Variants in HS3ST4 observed in about 807,000 individuals in gnomAD.
The protein encoded by HS3ST4 is heparan sulfate-glucosamine 3-sulfotransferase 4, also known as heparan sulfate glucosamine 3-O-sulfotransferase 4.
A neutral mutation model predicts 29.2 loss-of-function variants in HS3ST4; 17 were observed. The ratio of observed to expected loss-of-function variants is 0.58; its 90% CI spans 0.40 to 0.87. The LOEUF (loss-of-function observed/expected upper bound fraction) is 0.87, where lower values mean the gene tolerates loss of function less well. HS3ST4 is among the 40% of genes least tolerant of loss of function. The pLI is 0.00. For missense variants in HS3ST4, 627 were observed against 634.5 expected, an observed-to-expected ratio of 0.99 and a Z score of 0.13; for synonymous variants, 314 against 285.7, an observed-to-expected ratio of 1.10 and a Z score of -1.00.
chr16:25,915,399 T>C (rs1968282851), intron 1 of HS3ST4, among the ~76,000 whole-genome samples: 1 of 152,230 alleles, frequency 6.6e-6, no homozygotes, highest in African/African-American at 2.4e-5. Flanking sequence ...ATTATTTGCC[T>C]CTTCCTTCCA....
At chr16:26,059,415 A>G (rs1898449210) in intron 1 of HS3ST4, among the ~76,000 whole-genome samples, 1 of 152,204 alleles carries the variant, frequency 6.6e-6, no homozygotes, top group South Asian at 2.1e-4. Flanking sequence ...AACCATTTCC[A>G]CAAAACATTA....
At chr16:25,779,795 CAAT>C (rs1318985397) in intron 1 of HS3ST4, among the ~76,000 whole-genome samples, 1 of 152,110 alleles carries the variant, frequency 6.6e-6, no homozygotes. Context: ...AAGGTAAAAA[CAAT>C]AATAACAACA....
intron 1 of HS3ST4, among the ~76,000 whole-genome samples, chr16:26,112,606 C>T (rs1006207661): frequency 6.6e-6 from 1 of 151,764 alleles, no homozygotes; most frequent in Non-Finnish European, 1.5e-5. Flanking sequence ...AAGCCACAAA[C>T]TGGAAGAAGA....
chr16:26,005,399 A>G (rs554149754), intron 1 of HS3ST4, among the ~76,000 whole-genome samples: 2 of 152,324 alleles, frequency 1.3e-5, no homozygotes, highest in East Asian at 3.9e-4. Flanking sequence ...GACGGGAGAT[A>G]AGCAGCCTTA....
In HS3ST4 at chr16:25,742,178, C is replaced by T. The variant is rs895340256; in HGVS notation, c.734+49027C>T. ...TGAGTGTGCAAATCCACATCCCCCA[C>T]CTCACTGCCAAACCGGCGCCTTGAC... On this transcript the variant is annotated intron_variant, in intron 1 of 1. Transcript: ENST00000331351. Among the ~76,000 whole-genome samples the T allele has an allele frequency of 2.0e-5, 3 of 152,206 alleles. No individual in the cohort carries two copies. In the South Asian group the frequency reaches 6.2e-4, roughly 32 times the overall value.
At chr16:26,120,053 G>GTGTGTGTGTGTGTGTA (rs1491179233) in intron 1 of HS3ST4, among the ~76,000 whole-genome samples, 4 of 29,528 alleles carry the variant, frequency 1.4e-4, no homozygotes, top group Non-Finnish European at 5.4e-5. Flanking sequence ...GCTGAAGGAA[G>GTGTGTGTGTGTGTGTA]TGTGTGTGTG....
At chr16:25,727,723 G>A (rs1298847981) in intron 1 of HS3ST4, among the ~76,000 whole-genome samples, 6 of 152,006 alleles carry the variant, frequency 3.9e-5, no homozygotes, top group South Asian at 2.1e-4. Context: ...ATCCATTTAC[G>A]GGGTGACTTT....
At chr16:25,751,878 A>C (rs1222134341) in intron 1 of HS3ST4, among the ~76,000 whole-genome samples, 1 of 152,180 alleles carries the variant, frequency 6.6e-6, no homozygotes, top group East Asian at 1.9e-4. Flanking sequence ...ATCCCAGACC[A>C]CAGTGGATGA....
intron 1 of HS3ST4, among the ~76,000 whole-genome samples, chr16:25,953,234 A>G (rs533166679): frequency 1.2e-4 from 18 of 152,280 alleles, no homozygotes; most frequent in African/African-American, 4.3e-4. Flanking sequence ...TGATGGCTTC[A>G]GGGGCTGCCA....
chr16:26,059,917 A>G (rs1423385796), intron 1 of HS3ST4, among the ~76,000 whole-genome samples: 3 of 151,992 alleles, frequency 2.0e-5, no homozygotes, highest in Admixed American at 2.0e-4. Flanking sequence ...AGCTGGGATT[A>G]CAGGTGCCTG....
chr16:25,854,305 G>A (rs12447397), intron 1 of HS3ST4, among the ~76,000 whole-genome samples: 39,620 of 152,068 alleles, frequency 0.26, 6,390 homozygotes, highest in Admixed American at 0.34. Context: ...AGACCATATA[G>A]AGTAACTTCC....
chr16:25,865,216 C>T (rs532674151), intron 1 of HS3ST4, among the ~76,000 whole-genome samples: 1 of 152,192 alleles, frequency 6.6e-6, no homozygotes, highest in African/African-American at 2.4e-5. Flanking sequence ...TGTTGAGGAA[C>T]TGTTTTCTAT....
intron 1 of HS3ST4, among the ~76,000 whole-genome samples, chr16:26,061,860 A>G (rs887251377): frequency 2.0e-5 from 3 of 152,176 alleles, no homozygotes; most frequent in Non-Finnish European, 4.4e-5. Flanking sequence ...CTCCCATTCA[A>G]GTTCCATAGG....
chr16:25,873,658 G>GTCCGTCCA lies in HS3ST4; in HGVS notation c.734+180510_734+180511insGTCCATCC, dbSNP rs1426798578. 3.7e-4 allele frequency among the ~76,000 whole-genome samples: 31 copies of GTCCGTCCA among 84,546 alleles called. No individual in the cohort carries two copies. In the Admixed American group the frequency reaches 3.9e-3, roughly 11 times the overall value. The allele number at this position is 84,546 out of a possible 152,430, so 55.5% of individuals were successfully genotyped here. ...CATTCATCCATCCATCCATCCGTCCGTCCATCCATCCATCCATCCATCCAT... is the reference window on the plus strand; with the variant it reads ...CATTCATCCATCCATCCATCCGTCCGTCCGTCCATCCATCCATCCATCCATCCATCCAT... On this transcript the variant is annotated intron_variant, in intron 1 of 1. Transcript: ENST00000331351.
chr16:26,058,638 C>A (rs1336539978), intron 1 of HS3ST4, among the ~76,000 whole-genome samples: 1 of 152,188 alleles, frequency 6.6e-6, no homozygotes. Context: ...TTCCGCTGCA[C>A]CCTCTCACTC....
chr16:25,694,737 G>C (rs2141577734), intron 1 of HS3ST4, among the ~76,000 whole-genome samples: 1 of 151,966 alleles, frequency 6.6e-6, no homozygotes, highest in East Asian at 1.9e-4. Flanking sequence ...TTCTTCTGTG[G>C]AGTAGCTTTG....
intron 1 of HS3ST4, among the ~76,000 whole-genome samples, chr16:25,953,900 TTCTG>T (rs2141698280): frequency 6.6e-6 from 1 of 152,280 alleles, no homozygotes; most frequent in East Asian, 1.9e-4. Context: ...ATACACCCAG[TTCTG>T]TCTACCATTG....
chr16:26,010,797 G>A (rs1334440832), intron 1 of HS3ST4, among the ~76,000 whole-genome samples: 2 of 152,082 alleles, frequency 1.3e-5, no homozygotes, highest in Non-Finnish European at 2.9e-5. Flanking sequence ...GAAGAATAAG[G>A]GAAAATTATT....
At chr16:25,801,086 C>A (rs1966928724) in intron 1 of HS3ST4, among the ~76,000 whole-genome samples, 1 of 152,042 alleles carries the variant, frequency 6.6e-6, no homozygotes. Flanking sequence ...TGGGGTGAGG[C>A]CTGAAAATTT....
Sources: gnomAD v4.1 joint callset for allele counts (sites outside exome capture counted in the v4.1 genomes callset) on GRCh38, gnomAD v4.1.1 for gene constraint, MANE v1.5 for transcripts, NCBI Gene and HGNC (gene_info 2026-07-23, HGNC 2026-07-21) for gene names.